Variants in BROX observed in about 807,000 individuals in gnomAD.
The protein encoded by BROX is BRO1 domain-containing protein BROX.
In BROX, 53 loss-of-function variants were observed where a neutral mutation model predicts 61.0. The observed-to-expected ratio is 0.87, with a 90% CI of 0.70 to 1.09. The LOEUF is 1.09. Ranked by LOEUF, BROX falls within the 50% of genes least tolerant of loss-of-function variation. The pLI is 0.00. For missense variants in BROX, 489 were observed against 472.0 expected (o/e 1.04, Z -0.33); for synonymous variants, 152 against 160.2 (o/e 0.95, Z 0.38).
At chr1:222,717,199 G>A (rs1028244750) in intron 2 of BROX, among the ~76,000 whole-genome samples, 2 of 152,152 alleles carry the variant, frequency 1.3e-5, no homozygotes, top group Admixed American at 6.5e-5. Flanking sequence ...TTAAAAATAT[G>A]AAAACCATTC....
At chr1:222,730,853 A>T (rs1657881988) in intron 11 of BROX, among the ~76,000 whole-genome samples, 1 of 151,332 alleles carries the variant, frequency 6.6e-6, no homozygotes, top group Admixed American at 6.6e-5. Flanking sequence ...TATTCGTCTC[A>T]CTCTGGTTTC....
At chr1:222,727,945 T>A (rs1277459708) in intron 8 of BROX, among the ~76,000 whole-genome samples, 1 of 152,132 alleles carries the variant, frequency 6.6e-6, no homozygotes, top group Non-Finnish European at 1.5e-5. Context: ...AGTACAGACA[T>A]AAGAAAGAAC....
chr1:222,719,090 A>G (rs1656864633), intron 3 of BROX, 59 bp downstream of exon 3: 3 of 1,455,648 alleles, frequency 2.1e-6, no homozygotes, highest in Admixed American at 1.9e-5. Flanking sequence ...TTTACATTTA[A>G]TTCTTTGACT....
intron 1 of BROX, chr1:222,713,245 C>T (rs1045910986): frequency 2.0e-6 from 2 of 986,302 alleles, no homozygotes; most frequent in Non-Finnish European, 2.4e-6. Flanking sequence ...CCACCTCTCC[C>T]GGGTTGACAG....
Position 222,719,311 on chromosome 1 carries a change from A to G in BROX, c.257A>G (p.Tyr86Cys), listed in dbSNP as rs759093572. The G allele has an allele frequency of 3.7e-6, 6 of 1,609,212 alleles. No homozygotes were observed. Among genetic ancestry groups the G allele is most frequent in the Admixed American group, 3.3e-5 (2 of 59,992 alleles). The change falls in exon 4 of 13, where the codon TAT becomes TGT. Residue 86 changes from tyrosine to cysteine, a missense_variant. Transcript: ENST00000340934. ...DESTQESKLR[Y>C]IQNFKWTDTL... Reference sequence around the variant, plus strand: ...TCTACCCAAGAAAGCAAGTTACGATATATTCAAAATTTCAAGTGGACTGAT... The same window carrying G: ...TCTACCCAAGAAAGCAAGTTACGATGTATTCAAAATTTCAAGTGGACTGAT...
Position 222,713,012 on chromosome 1 carries a change from G to A in BROX, c.-17+70G>A, listed in dbSNP as rs1469167654. ...TACTTCCCCGGAGTCTCAAGCAATA[G>A]GATCACCCCCTTTTACATTAGTCTC... On this transcript the variant is annotated intron_variant, in intron 1 of 12. Coordinates refer to ENST00000340934, the MANE Select transcript of BROX (RefSeq NM_144695.4). The A allele has an allele frequency of 6.8e-6, 8 of 1,168,330 alleles. No individual in the cohort carries two copies. The East Asian group carries it at 4.3e-4, about 63-fold the overall frequency. 72.4% of individuals were successfully genotyped at this position (1,168,330 alleles called of 1,614,324 possible). A position where few individuals can be genotyped will look rare whatever the true frequency, so the allele number is the denominator to read the frequency against.
chr1:222,722,156 T>C (rs891568396), intron 4 of BROX, among the ~76,000 whole-genome samples: 18 of 152,340 alleles, frequency 1.2e-4, no homozygotes, highest in African/African-American at 4.3e-4. Flanking sequence ...TTTTAAAAGC[T>C]GCTCTATGTG....
chr1:222,715,749 C>T lies in BROX; in HGVS notation c.50C>T (p.Ser17Phe). The change falls in exon 2 of 13, where the codon TCT (serine) becomes TTT (phenylalanine). Residue 17 changes from serine to phenylalanine, a missense_variant. Transcript: ENST00000340934. ...RNPLKATAPV[S>F]FNYYGVVTGP... ...CCATTAAAAGCCACAGCTCCTGTGT[C>T]TTTTAATTACTATGGTGTAGTCACT... 1 of 1,597,318 alleles carries T rather than the reference C, an allele frequency of 6.3e-7. No homozygotes were observed. The highest frequency in any genetic ancestry group is 1.3e-5 in the African/African-American group (1 of 74,432).
At chr1:222,722,880 A>G (rs1204776716) in intron 5 of BROX, among the ~76,000 whole-genome samples, 1 of 152,242 alleles carries the variant, frequency 6.6e-6, no homozygotes, top group Admixed American at 6.5e-5. Context: ...TACTCTTATA[A>G]ATCAGCAAAG....
At position 222,712,603 on chromosome 1, in the gene BROX, C is replaced by T. The variant is rs1455149018; in HGVS notation, c.-356C>T. ...CGCCATCGCTATTGCGGCATTCTCCCTCGGCTCCGGAGGTAGGGGCAACTC... is the reference window on the plus strand; with the variant it reads ...CGCCATCGCTATTGCGGCATTCTCCTTCGGCTCCGGAGGTAGGGGCAACTC... On this transcript the variant is annotated 5_prime_UTR_variant, in exon 1 of 13. Coordinates refer to ENST00000340934, the MANE Select transcript of BROX (RefSeq NM_144695.4). 4 of 1,348,462 alleles carry T rather than the reference C, an allele frequency of 3.0e-6. No individual in the cohort carries two copies. Among genetic ancestry groups the T allele is most frequent in the Middle Eastern group, 2.0e-4 (1 of 4,910 alleles). 83.5% of individuals were successfully genotyped at this position (1,348,462 alleles called of 1,614,324 possible).
At chr1:222,724,036 G>T in intron 5 of BROX, 56 bp from the exon 6 acceptor site, 1 of 1,276,726 alleles carries the variant, frequency 7.8e-7, no homozygotes, top group South Asian at 1.3e-5. Context: ...TGGTTGTTGT[G>T]TTTTAATACC....
chr1:222,729,059 G>C (rs1416055637), intron 9 of BROX, among the ~76,000 whole-genome samples: 1 of 152,116 alleles, frequency 6.6e-6, no homozygotes, highest in African/African-American at 2.4e-5. Context: ...TTGTTTGATT[G>C]AAAACCCACT....
At position 222,731,526 on chromosome 1, in the gene BROX, TG is replaced by T. The variant is rs1657938034; in HGVS notation, c.1149+11del. Reference sequence around the variant, plus strand: ...ACCCAAGGATGACAGTGTATGAGATTGTTTTTTTTTTTCCCTCTCATTCACA... The same window carrying T: ...ACCCAAGGATGACAGTGTATGAGATTTTTTTTTTTTTCCCTCTCATTCACA... On this transcript the variant is annotated intron_variant, in intron 12 of 12. Coordinates refer to ENST00000340934, the MANE Select transcript of BROX (RefSeq NM_144695.4). 3 of 1,571,762 alleles carry T rather than the reference TG, an allele frequency of 1.9e-6. No individual in the cohort carries two copies. Among genetic ancestry groups the T allele is most frequent in the African/African-American group, 1.4e-5 (1 of 71,538 alleles).
In BROX at chr1:222,734,754, C is replaced by A. The variant is rs1658176448; in HGVS notation, c.*2040C>A. On this transcript the variant is annotated 3_prime_UTR_variant, in exon 13 of 13. Transcript: ENST00000340934. ...AGCTCTCTACTCTGTGGCTGTGGGACCTGTTTCTTTTAGGTACTTGTGCTT... is the reference window on the plus strand; with the variant it reads ...AGCTCTCTACTCTGTGGCTGTGGGAACTGTTTCTTTTAGGTACTTGTGCTT... 6.6e-6 allele frequency: 1 copy of A among 152,104 alleles called. No individual in the cohort carries two copies. Among genetic ancestry groups the A allele is most frequent in the African/African-American group, 2.4e-5 (1 of 41,416 alleles). 9.4% of individuals were successfully genotyped at this position (152,104 alleles called of 1,614,324 possible).
At chr1:222,728,418 A>G (rs74145541) in intron 8 of BROX, among the ~76,000 whole-genome samples, 4,056 of 152,248 alleles carry the variant, frequency 0.027, 191 homozygotes, top group African/African-American at 0.092. Flanking sequence ...GCTATATTAT[A>G]TAAGTTTTTT....
At chr1:222,725,269 T>C (rs987332570) in intron 6 of BROX, among the ~76,000 whole-genome samples, 181 bp from the exon 7 acceptor site, 13 of 152,238 alleles carry the variant, frequency 8.5e-5, no homozygotes, top group African/African-American at 3.1e-4. Flanking sequence ...AGTTTTAGTA[T>C]ACAGGAACTT....
Position 222,728,843 on chromosome 1 carries a change from C to A in BROX, c.756+15C>A. ...ACACAGCTTATGTAAGTATTCACAA[C>A]GCTAAAAACAATGTAAATTATTGTT... On this transcript the variant is annotated intron_variant, in intron 9 of 12. Transcript: ENST00000340934. 6.5e-7 allele frequency: 1 copy of A among 1,535,564 alleles called. No individual in the cohort carries two copies. The highest frequency in any genetic ancestry group is 8.9e-7 in the Non-Finnish European group (1 of 1,119,628).
chr1:222,717,403 T>C (rs1479510161), intron 2 of BROX, among the ~76,000 whole-genome samples: 1 of 152,224 alleles, frequency 6.6e-6, no homozygotes, highest in Non-Finnish European at 1.5e-5. Flanking sequence ...AAATTAAATA[T>C]ATCTGAGGTA....
intron 2 of BROX, among the ~76,000 whole-genome samples, chr1:222,716,580 A>G (rs1656637205): frequency 1.3e-5 from 2 of 152,200 alleles, no homozygotes; most frequent in Non-Finnish European, 2.9e-5. Flanking sequence ...GATTTGGACC[A>G]TTGCTTGTTT....
Sources: allele counts gnomAD v4.1 joint callset (sites outside exome capture counted in the v4.1 genomes callset), GRCh38; gene constraint gnomAD v4.1.1; transcripts MANE v1.5; gene names NCBI Gene and HGNC (gene_info 2026-07-23, HGNC 2026-07-21).